The following PEX5L variants were observed in gnomAD, a reference collection of about 807,000 sequenced individuals.
PEX5L encodes the protein PEX5-related protein.
Under a neutral mutation model 84.0 loss-of-function variants are expected in PEX5L, and 30 were observed. That is an observed-to-expected ratio of 0.36 (90% CI 0.27 to 0.48). The LOEUF (loss-of-function observed/expected upper bound fraction) is 0.48. PEX5L is among the 20% of genes least tolerant of loss of function. The pLI, the probability that PEX5L is intolerant of heterozygous loss-of-function variation, is 0.99. For synonymous variants in PEX5L, 270 were observed against 283.1 expected (o/e 0.95, Z 0.46); for missense variants, 533 against 754.6 (o/e 0.71, Z 3.44).
intron 2 of PEX5L, chr3:179,902,692 A>ATACT (rs1761808418): frequency 2.2e-6 from 1 of 456,402 alleles, no homozygotes; most frequent in Non-Finnish European, 4.4e-6. Flanking sequence ...GGTGCATAAA[A>ATACT]TACTTAAAGT....
At chr3:179,970,424 G>C (rs1784429919) in intron 2 of PEX5L, among the ~76,000 whole-genome samples, 1 of 152,114 alleles carries the variant, frequency 6.6e-6, no homozygotes, top group African/African-American at 2.4e-5. Context: ...TAACTAAACT[G>C]ATAACTTGGC....
At chr3:179,823,593 C>T (rs761596579) in intron 8 of PEX5L, among the ~76,000 whole-genome samples, 2 of 152,046 alleles carry the variant, frequency 1.3e-5, no homozygotes, top group African/African-American at 4.8e-5. Context: ...AAGTAAGATT[C>T]GGTTTAAAAA....
rs75633578 is a variant in PEX5L, at chr3:179,847,441, A to C, written c.822+11621T>G. On this transcript the variant is annotated intron_variant, in intron 8 of 14. Transcript: ENST00000467460. Reference sequence around the variant, plus strand: ...CGGGTTGCCCTCATGGAAAAGGATTATTCTCTTAATCAATAGGAAGTATTT... The same window carrying C: ...CGGGTTGCCCTCATGGAAAAGGATTCTTCTCTTAATCAATAGGAAGTATTT... 2.0e-5 allele frequency among the ~76,000 whole-genome samples: 3 copies of C among 152,254 alleles called. No homozygotes were observed. In the East Asian group the frequency reaches 5.8e-4, roughly 29 times the overall value.
intron 1 of PEX5L, among the ~76,000 whole-genome samples, chr3:179,996,086 T>C (rs1290259732): frequency 6.6e-6 from 1 of 152,148 alleles, no homozygotes. Context: ...GTGGCCTCCC[T>C]TGAGGTAGTT....
At chr3:179,960,818 T>G (rs1579008977) in intron 2 of PEX5L, among the ~76,000 whole-genome samples, 1 of 152,186 alleles carries the variant, frequency 6.6e-6, no homozygotes. Flanking sequence ...CAGGGACTAC[T>G]CCAATAGTTC....
At chr3:179,953,353 T>C (rs1779623602) in intron 2 of PEX5L, among the ~76,000 whole-genome samples, 1 of 152,070 alleles carries the variant, frequency 6.6e-6, no homozygotes, top group South Asian at 2.1e-4. Context: ...AATCTATCCA[T>C]CTGACGAAGG....
chr3:179,813,801 C>T (rs553031863), intron 10 of PEX5L, among the ~76,000 whole-genome samples: 15 of 152,084 alleles, frequency 9.9e-5, no homozygotes, highest in Non-Finnish European at 1.9e-4. Context: ...CTCAGCCTCC[C>T]GAGTAGCTGG....
chr3:180,025,961 AG>A (rs1790911849), intron 1 of PEX5L, among the ~76,000 whole-genome samples: 1 of 152,144 alleles, frequency 6.6e-6, no homozygotes, highest in African/African-American at 2.4e-5. Context: ...AGCGGGGGTT[AG>A]GGAGGATAAG....
intron 2 of PEX5L, among the ~76,000 whole-genome samples, chr3:179,969,977 G>T (rs771540792): frequency 3.3e-5 from 5 of 151,872 alleles, no homozygotes; most frequent in African/African-American, 4.8e-5. Flanking sequence ...TTTGTCAAAG[G>T]TATCATGAGA....
At chr3:179,973,099 G>T in intron 1 of PEX5L, 1 of 977,174 alleles carries the variant, frequency 1.0e-6, no homozygotes, top group Non-Finnish European at 1.3e-6. Context: ...ATTTTGTCTA[G>T]AGTGTCTCTA....
At chr3:179,903,404 T>A (rs565930346) in intron 2 of PEX5L, among the ~76,000 whole-genome samples, 31 of 152,134 alleles carry the variant, frequency 2.0e-4, no homozygotes, top group African/African-American at 7.0e-4. Flanking sequence ...TTAAAAAAAT[T>A]TTTTTCTTAG....
intron 2 of PEX5L, among the ~76,000 whole-genome samples, chr3:179,942,312 T>C (rs1464181164): frequency 1.3e-5 from 2 of 152,188 alleles, no homozygotes; most frequent in Non-Finnish European, 2.9e-5. Context: ...TTGGAGCACT[T>C]TGCACCTGGA....
chr3:179,938,181 A>C (rs978551048), intron 2 of PEX5L, among the ~76,000 whole-genome samples: 2 of 152,216 alleles, frequency 1.3e-5, no homozygotes, highest in Non-Finnish European at 2.9e-5. Flanking sequence ...ACACCTTCTC[A>C]AATGGAGATT....
At chr3:179,968,697 C>CTGTGTGTG (rs67094806) in intron 2 of PEX5L, among the ~76,000 whole-genome samples, 6,142 of 143,948 alleles carry the variant, frequency 0.043, 356 homozygotes, top group African/African-American at 0.13. Flanking sequence ...ATTTAAATGA[C>CTGTGTGTG]TGTGTGTGTG....
At chr3:179,831,472 T>C (rs1732925002) in intron 8 of PEX5L, among the ~76,000 whole-genome samples, 1 of 152,228 alleles carries the variant, frequency 6.6e-6, no homozygotes, top group South Asian at 2.1e-4. Context: ...CACATTAAAT[T>C]AATTTATTCA....
chr3:179,867,068 A>G (rs1188361047), intron 7 of PEX5L, among the ~76,000 whole-genome samples: 2 of 151,002 alleles, frequency 1.3e-5, no homozygotes, highest in Non-Finnish European at 3.0e-5. Flanking sequence ...AAGAAAATAC[A>G]CACAAAAACT....
At chr3:179,855,947 G>A (rs1325057627) in intron 8 of PEX5L, among the ~76,000 whole-genome samples, 1 of 152,178 alleles carries the variant, frequency 6.6e-6, no homozygotes, top group African/African-American at 2.4e-5. Flanking sequence ...AGCTCAAATG[G>A]ACTAAGACAA....
At chr3:180,014,676 G>A (rs1789787260) in intron 1 of PEX5L, among the ~76,000 whole-genome samples, 1 of 152,012 alleles carries the variant, frequency 6.6e-6, no homozygotes, top group Admixed American at 6.6e-5. Context: ...TATAAAAACA[G>A]TTTTAAAATT....
intron 8 of PEX5L, among the ~76,000 whole-genome samples, chr3:179,845,002 A>C (rs1159996039): frequency 6.6e-6 from 1 of 152,192 alleles, no homozygotes; most frequent in Non-Finnish European, 1.5e-5. Flanking sequence ...GTGAAAATTA[A>C]ATCTTTTTTT....
Sources: allele counts gnomAD v4.1 joint callset (sites outside exome capture counted in the v4.1 genomes callset), GRCh38; gene constraint gnomAD v4.1.1; transcripts MANE v1.5; gene names NCBI Gene and HGNC (gene_info 2026-07-23, HGNC 2026-07-21).